Variants in FAM149A observed in about 807,000 individuals in gnomAD.
FAM149A encodes the protein protein FAM149A.
In FAM149A, 71 loss-of-function variants were observed where a neutral mutation model predicts 78.2. The observed-to-expected ratio is 0.91, with a 90% confidence interval of 0.75 to 1.11. The LOEUF is 1.11. Among genes scored for constraint, FAM149A ranks in the 50% least tolerant of loss-of-function variants. The pLI, the probability that FAM149A is intolerant of heterozygous loss-of-function variation, is 0.00. For missense variants in FAM149A, 1,036 were observed against 971.0 expected, an observed-to-expected ratio of 1.07 and a Z score of -0.89; for synonymous variants, 446 against 410.5, an observed-to-expected ratio of 1.09 and a Z score of -1.04.
chr4:186,125,840 G>GGAT, intron 1 of FAM149A: 2 of 985,414 alleles, frequency 2.0e-6, no homozygotes, highest in Non-Finnish European at 2.4e-6. Context: ...TACGAGGTAG[G>GGAT]GATGAGATGT....
intron 8 of FAM149A, chr4:186,158,572 T>C: frequency 5.3e-6 from 3 of 563,392 alleles, no homozygotes; most frequent in Non-Finnish European, 6.4e-6. Context: ...GGGGAACAGA[T>C]TGCTCCAGTG....
chr4:186,135,438 C>T (rs1009807098), intron 1 of FAM149A, among the ~76,000 whole-genome samples: 5 of 151,988 alleles, frequency 3.3e-5, no homozygotes, highest in East Asian at 1.9e-4. Flanking sequence ...GTGAAGTCAC[C>T]GGAAACCATG....
rs759105657 is a variant in FAM149A at position 186,157,614 on chromosome 4, GCACGTCCTCGTTCCA to G, written c.1475_1489del (p.Val492_His496del). 6.2e-7 allele frequency: 1 copy of G among 1,614,118 alleles called. No individual in the cohort carries two copies. The highest frequency in any genetic ancestry group is 2.2e-5 in the East Asian group (1 of 44,884). On this transcript the variant is annotated inframe_deletion, in exon 8 of 14. Coordinates refer to ENST00000389354, the MANE Select transcript of FAM149A (RefSeq NM_001367768.3). ...TGAAAGTGGCTGGAAACAGATTTCC[GCACGTCCTCGTTCCA>G]CACGCTCACGCCGATGGAGCCAGTG...
chr4:186,147,568 A>G (rs896847353), intron 1 of FAM149A, among the ~76,000 whole-genome samples: 3 of 152,234 alleles, frequency 2.0e-5, no homozygotes, highest in Non-Finnish European at 2.9e-5. Flanking sequence ...TATTCTGTAG[A>G]TATGTATCAC....
chr4:186,106,521 C>G (rs1016977623), intron 1 of FAM149A, among the ~76,000 whole-genome samples: 2 of 152,106 alleles, frequency 1.3e-5, no homozygotes, highest in African/African-American at 4.8e-5. Flanking sequence ...GAGGTTTCTG[C>G]ATTGTAATCT....
rs1389440429 is a variant in FAM149A, at chr4:186,104,774, G to GCGGCGGGCGGCGGGCGGCGGGC, written c.-303_-302insCGGCGGGCGGCGGGCGGCGGGC. ...GCGGGCGGCGGGCGGCGGGCGTCTG[G>GCGGCGGGCGGCGGGCGGCGGGC]GGCGGGCGGCGGCCGCGCTTCCCGG... On this transcript the variant is annotated 5_prime_UTR_variant, in exon 1 of 14. Coordinates refer to ENST00000389354, the MANE Select transcript of FAM149A (RefSeq NM_001367768.3). Among the ~76,000 whole-genome samples, 2 of 146,318 alleles carry GCGGCGGGCGGCGGGCGGCGGGC rather than the reference G, an allele frequency of 1.4e-5. No homozygotes were observed. Among genetic ancestry groups the GCGGCGGGCGGCGGGCGGCGGGC allele is most frequent in the Non-Finnish European group, 3.0e-5 (2 of 67,172 alleles).
chr4:186,150,517 T>G (rs1382098288), intron 3 of FAM149A, among the ~76,000 whole-genome samples: 1 of 137,898 alleles, frequency 7.3e-6, no homozygotes, highest in Non-Finnish European at 1.6e-5. Context: ...CCTCCCGGGT[T>G]CACGCCATTC....
chr4:186,160,044 C>T (rs1435687207), intron 8 of FAM149A, among the ~76,000 whole-genome samples: 5 of 143,742 alleles, frequency 3.5e-5, no homozygotes, highest in Non-Finnish European at 7.6e-5. Flanking sequence ...CACACAAACA[C>T]ACCACATACC....
rs1462750393 is a variant in FAM149A at position 186,173,706 on chromosome 4, C to T, written c.*1719C>T. ...GAGACACATTAGGCAGCAGCAGCAG[C>T]AGCAGCAGCAGCGACCACCAGGTCC... On this transcript the variant is annotated 3_prime_UTR_variant, in exon 14 of 14. Coordinates refer to ENST00000389354, the MANE Select transcript of FAM149A (RefSeq NM_001367768.3). Among the ~76,000 whole-genome samples, 1 of 111,986 alleles carries T rather than the reference C, an allele frequency of 8.9e-6. No individual in the cohort carries two copies. Among genetic ancestry groups the T allele is most frequent in the South Asian group, 2.8e-4 (1 of 3,636 alleles). The allele number at this position is 111,986 out of a possible 152,430, so 73.5% of individuals were successfully genotyped here.
At chr4:186,170,682 A>G (rs1735452311) in intron 13 of FAM149A, among the ~76,000 whole-genome samples, 1 of 152,176 alleles carries the variant, frequency 6.6e-6, no homozygotes. Context: ...CTGGGGCACC[A>G]AGGGACAGGA....
chr4:186,122,501 T>G (rs1220005509), intron 1 of FAM149A, among the ~76,000 whole-genome samples: 2 of 152,190 alleles, frequency 1.3e-5, no homozygotes, highest in Non-Finnish European at 2.9e-5. Flanking sequence ...TATGGTAAGG[T>G]AGGGATCAGT....
intron 1 of FAM149A, among the ~76,000 whole-genome samples, chr4:186,143,213 A>G (rs1222946459): frequency 7.8e-6 from 1 of 127,892 alleles, no homozygotes; most frequent in East Asian, 2.3e-4. Flanking sequence ...GCTGGTCTTG[A>G]ACTCCTGGGC....
chr4:186,105,442 C>T lies in FAM149A; in HGVS notation c.366C>T (p.Arg122=). Residue 122 remains arginine, a synonymous_variant, in exon 1 of 14, where the codon CGC becomes CGT. Transcript: ENST00000389354. Reference sequence around the variant, plus strand: ...CCGGCGGGGGCTGCTCCCCTGCTCGCCTGGTGGTCCCAGCGCGGCCGCCCT... The same window carrying T: ...CCGGCGGGGGCTGCTCCCCTGCTCGTCTGGTGGTCCCAGCGCGGCCGCCCT... The T allele has an allele frequency of 8.2e-7, 1 of 1,215,388 alleles. No homozygotes were observed. The highest frequency in any genetic ancestry group is 1.0e-6 in the Non-Finnish European group (1 of 958,580). The allele number at this position is 1,215,388 out of a possible 1,614,324, so 75.3% of individuals were successfully genotyped here.
At chr4:186,122,177 T>G (rs961025971) in intron 1 of FAM149A, among the ~76,000 whole-genome samples, 7 of 152,184 alleles carry the variant, frequency 4.6e-5, no homozygotes, top group African/African-American at 1.7e-4. Flanking sequence ...ATGAGATGAA[T>G]GTAGACAGTA....
intron 13 of FAM149A, chr4:186,169,162 T>A: frequency 1.0e-6 from 1 of 982,502 alleles, no homozygotes; most frequent in South Asian, 4.7e-5. Flanking sequence ...TGTTAATCAT[T>A]GACCAAATGC....
rs2310392 is a variant in FAM149A at position 186,144,770 on chromosome 4, A to G, written c.567-4403A>G. ...GCCCGGAGCGGGGATGGGCGGGCGC[A>G]GCCGGGATTAGCTGGCGGGCGAGGG... is the stretch of plus-strand genomic sequence containing the variant. On this transcript the variant is annotated intron_variant, in intron 1 of 13. Transcript: ENST00000389354. This position sits in a 1 kb window ranked among gnomAD's most constrained non-coding sequence, Gnocchi z 4.2. 0.89 allele frequency: 853,736 copies of G among 963,732 alleles called. 378,343 individuals carry two copies. The highest frequency in any genetic ancestry group is 0.93 in the African/African-American group (52,389 of 56,500). 59.7% of individuals were successfully genotyped at this position (963,732 alleles called of 1,614,324 possible). A position where few individuals can be genotyped will look rare whatever the true frequency, so the allele number is the denominator to read the frequency against.
Position 186,105,425 on chromosome 4 carries a change from G to A in FAM149A, c.349G>A (p.Gly117Ser). The A allele has an allele frequency of 8.3e-7, 1 of 1,204,148 alleles. No homozygotes were observed. Among genetic ancestry groups the A allele is most frequent in the South Asian group, 1.4e-5 (1 of 69,154 alleles). 74.6% of individuals were successfully genotyped at this position (1,204,148 alleles called of 1,614,324 possible). ...CCAGCCCCCCACTCCCTCCGGCGGGGGCTGCTCCCCTGCTCGCCTGGTGGT... is the reference window on the plus strand; with the variant it reads ...CCAGCCCCCCACTCCCTCCGGCGGGAGCTGCTCCCCTGCTCGCCTGGTGGT... Residue 117 changes from glycine to serine, a missense_variant, in exon 1 of 14, where the codon GGC (glycine) becomes AGC (serine). Gly to Ser is a moderately conservative substitution (Grantham distance 56). This residue lies in a region of FAM149A where 316 missense variants were observed against 241.9 expected (regional missense o/e 1.31). Coordinates refer to ENST00000389354, the MANE Select transcript of FAM149A (RefSeq NM_001367768.3).
At position 186,171,898 on chromosome 4, in the gene FAM149A, T is replaced by C; in HGVS notation, c.2219-16T>C. 1 of 1,600,264 alleles carries C rather than the reference T, an allele frequency of 6.2e-7. No individual in the cohort carries two copies. The highest frequency in any genetic ancestry group is 8.5e-7 in the Non-Finnish European group (1 of 1,174,100). ...TAACATTTTAATGAGAATTACCTTT[T>C]GCTTGGTGTTTCCAGGTTCACAATA... On this transcript the variant is annotated splice_polypyrimidine_tract_variant and intron_variant, in intron 13 of 13. Transcript: ENST00000389354.
At chr4:186,138,718 G>A in intron 1 of FAM149A, among the ~76,000 whole-genome samples, 1 of 152,200 alleles carries the variant, frequency 6.6e-6, no homozygotes, top group East Asian at 1.9e-4. Context: ...CTGGGGTTAT[G>A]GGTTTGGGGG....
Sources: allele counts gnomAD v4.1 joint callset (sites outside exome capture counted in the v4.1 genomes callset), GRCh38; gene constraint gnomAD v4.1.1; regional missense constraint gnomAD v4.1.1; non-coding constraint Gnocchi (gnomAD v3.1); transcripts MANE v1.5; gene names NCBI Gene and HGNC (gene_info 2026-07-23, HGNC 2026-07-21).